ROBO2: variants seen among roughly 807,000 people sequenced by gnomAD.
The protein encoded by ROBO2 is roundabout homolog 2.
In ROBO2, 53 loss-of-function variants were observed where a neutral mutation model predicts 160.8. That is an observed-to-expected ratio of 0.33 (90% CI 0.26 to 0.41). The LOEUF is 0.41. Among genes scored for constraint, ROBO2 ranks in the 10% least tolerant of loss-of-function variants. The pLI is 1.00. For missense variants in ROBO2, 1,577 were observed against 1,722.4 expected (o/e 0.92, Z 1.49); for synonymous variants, 664 against 611.7 (o/e 1.09, Z -1.26).
At chr3:77,591,989 T>C (rs2094192055) in intron 17 of ROBO2, among the ~76,000 whole-genome samples, 1 of 152,216 alleles carries the variant, frequency 6.6e-6, no homozygotes, top group Admixed American at 6.5e-5. Flanking sequence ...CTGCCCTAAA[T>C]CTCATGATCT....
Position 76,962,928 on chromosome 3 carries a change from C to T in ROBO2, c.110-135086C>T, listed in dbSNP as rs544207222. On this transcript the variant is annotated intron_variant, in intron 2 of 26. Coordinates refer to the ROBO2 transcript ENST00000487694. The stretch of plus-strand genomic sequence containing the variant: ...CTTTGTTCTTTAGTCTCCTCAACAA[C>T]GGTGTCATTAATGTTAAAAATGAGT... Among the ~76,000 whole-genome samples the T allele has an allele frequency of 2.6e-5, 4 of 152,272 alleles. No homozygotes were observed. The South Asian group carries it at 6.2e-4, about 24-fold the overall frequency.
At chr3:77,097,679 G>A (rs2071273275) in intron 1 of ROBO2, among the ~76,000 whole-genome samples, 1 of 152,086 alleles carries the variant, frequency 6.6e-6, no homozygotes, top group African/African-American at 2.4e-5. Flanking sequence ...TGTATAATAA[G>A]CAATCTGAGG....
chr3:76,262,542 C>T (rs1007949857), intron 2 of ROBO2, among the ~76,000 whole-genome samples: 1 of 152,088 alleles, frequency 6.6e-6, no homozygotes. Context: ...TTCTGGACTG[C>T]TCCTTTACTC....
intron 20 of ROBO2, among the ~76,000 whole-genome samples, chr3:77,603,586 T>A (rs1246811423): frequency 6.6e-6 from 1 of 152,298 alleles, no homozygotes; most frequent in African/African-American, 2.4e-5. Flanking sequence ...AACCATATAA[T>A]CTTTGATATT....
chr3:77,148,191 A>G (rs1197135372), intron 2 of ROBO2, among the ~76,000 whole-genome samples: 1 of 152,206 alleles, frequency 6.6e-6, no homozygotes, highest in East Asian at 1.9e-4. Flanking sequence ...TTCCTCCTTC[A>G]ATGCCTTCAC....
chr3:76,281,889 T>TA (rs1708252286), intron 2 of ROBO2, among the ~76,000 whole-genome samples: 1 of 151,938 alleles, frequency 6.6e-6, no homozygotes, highest in South Asian at 2.1e-4. Flanking sequence ...GATCCAAAGA[T>TA]AAAGTGTTCT....
chr3:77,607,679 T>A (rs915363298), intron 20 of ROBO2, 119 bp from the exon 22 acceptor site: 5 of 891,292 alleles, frequency 5.6e-6, no homozygotes, highest in Admixed American at 4.1e-5. Flanking sequence ...TGTTTATAGC[T>A]TTTAACAACT....
intron 2 of ROBO2, among the ~76,000 whole-genome samples, chr3:76,760,510 G>A (rs1447522754): frequency 6.6e-6 from 1 of 151,696 alleles, no homozygotes; most frequent in Non-Finnish European, 1.5e-5. Flanking sequence ...TAGAAAACAG[G>A]TGTCACTAAT....
In ROBO2 at chr3:76,765,742, A is replaced by AT. The variant is rs534137822; in HGVS notation, c.110-332271dup. 5.9e-5 allele frequency among the ~76,000 whole-genome samples: 9 copies of AT among 151,736 alleles called. No individual in the cohort carries two copies. In the East Asian group the frequency reaches 1.6e-3, roughly 27 times the overall value. On this transcript the variant is annotated intron_variant, in intron 2 of 26. Transcript: ENST00000487694. Reference sequence around the variant, plus strand: ...ATGTCCAGTTCAGCTAACATTTCAGATGGGTGCAGCCAGCATCAGCTGACG... The same window carrying AT: ...ATGTCCAGTTCAGCTAACATTTCAGATTGGGTGCAGCCAGCATCAGCTGACG...
intron 2 of ROBO2, among the ~76,000 whole-genome samples, chr3:77,238,273 C>T (rs1018254927): frequency 2.0e-5 from 3 of 151,988 alleles, no homozygotes; most frequent in African/African-American, 7.2e-5. Context: ...TAGATCTTGC[C>T]TTTGATGCCA....
At chr3:77,368,544 AC>A (rs2071276777) in intron 2 of ROBO2, among the ~76,000 whole-genome samples, 1 of 152,196 alleles carries the variant, frequency 6.6e-6, no homozygotes, top group Non-Finnish European at 1.5e-5. Flanking sequence ...CTCTAGATGT[AC>A]TATATTTAAT....
intron 2 of ROBO2, among the ~76,000 whole-genome samples, chr3:76,831,623 G>A (rs1638466869): frequency 6.6e-6 from 1 of 152,030 alleles, no homozygotes; most frequent in African/African-American, 2.4e-5. Flanking sequence ...TTTGTGACTG[G>A]TTTCATATTT....
chr3:77,423,421 A>C (rs1417563582), intron 2 of ROBO2, among the ~76,000 whole-genome samples: 1 of 152,212 alleles, frequency 6.6e-6, no homozygotes, highest in Non-Finnish European at 1.5e-5. Context: ...AAACATTTAA[A>C]ATAAACAATT....
intron 2 of ROBO2, among the ~76,000 whole-genome samples, chr3:75,963,555 A>T (rs1347942940): frequency 2.0e-5 from 3 of 151,790 alleles, no homozygotes; most frequent in Admixed American, 2.0e-4. Flanking sequence ...ACTAAATCAA[A>T]CATCTGAAAA....
intron 2 of ROBO2, among the ~76,000 whole-genome samples, chr3:76,850,347 C>A (rs976319450): frequency 6.6e-6 from 1 of 152,046 alleles, no homozygotes; most frequent in Non-Finnish European, 1.5e-5. Flanking sequence ...CTTAACCCTG[C>A]GCTGAGTACT....
chr3:76,683,502 T>C (rs541818396), intron 2 of ROBO2, among the ~76,000 whole-genome samples: 1 of 151,210 alleles, frequency 6.6e-6, no homozygotes, highest in African/African-American at 2.4e-5. Context: ...CATGCATGTG[T>C]CATCTGGTGT....
chr3:76,034,367 G>A (rs2067030480), intron 2 of ROBO2, among the ~76,000 whole-genome samples: 1 of 152,084 alleles, frequency 6.6e-6, no homozygotes, highest in Admixed American at 6.5e-5. Context: ...AATTCAGAAG[G>A]ACTAAATGCA....
chr3:76,174,194 G>C (rs974535435), intron 2 of ROBO2, among the ~76,000 whole-genome samples: 1 of 151,900 alleles, frequency 6.6e-6, no homozygotes, highest in African/African-American at 2.4e-5. Context: ...TCCTTTGCCT[G>C]CTTTTTGATG....
At chr3:77,098,586 G>T (rs1304686720) in intron 2 of ROBO2, among the ~76,000 whole-genome samples, 1 of 152,074 alleles carries the variant, frequency 6.6e-6, no homozygotes, top group Non-Finnish European at 1.5e-5. Context: ...GGTGGCTCAC[G>T]CCTGTAATCC....
Sources: gnomAD v4.1 joint callset for allele counts (sites outside exome capture counted in the v4.1 genomes callset) on GRCh38, gnomAD v4.1.1 for gene constraint, MANE v1.5 for transcripts, NCBI Gene and HGNC (gene_info 2026-07-23, HGNC 2026-07-21) for gene names.